Variants in TMCC1 observed in about 807,000 individuals in gnomAD.
TMCC1 encodes transmembrane and coiled-coil domain family 1, also known as transmembrane and coiled-coil domains protein 1.
In TMCC1, 15 loss-of-function variants were observed where a neutral mutation model predicts 52.4. That is an observed-to-expected ratio of 0.29 (90% CI 0.19 to 0.44). The LOEUF (loss-of-function observed/expected upper bound fraction) is 0.44. Among genes scored for constraint, TMCC1 ranks in the 20% least tolerant of loss-of-function variants. TMCC1 has a pLI of 1.00. For synonymous variants in TMCC1, 279 were observed against 301.9 expected (o/e 0.92, Z 0.79); for missense variants, 503 against 806.0 (o/e 0.62, Z 4.55).
At chr3:129,803,914 T>G (rs1414407607) in intron 4 of TMCC1, among the ~76,000 whole-genome samples, 2 of 152,260 alleles carry the variant, frequency 1.3e-5, no homozygotes, top group Admixed American at 6.5e-5. Context: ...GGACAATAAT[T>G]ACATTAAAAT....
intron 6 of TMCC1, among the ~76,000 whole-genome samples, chr3:129,653,922 G>A (rs532079550): frequency 6.6e-6 from 1 of 152,192 alleles, no homozygotes; most frequent in East Asian, 1.9e-4. Context: ...ATACATTAAT[G>A]AGTCTAATGT....
intron 4 of TMCC1, chr3:129,688,645 C>T (rs1250758313): frequency 2.0e-6 from 2 of 985,376 alleles, no homozygotes; most frequent in Non-Finnish European, 2.4e-6. Flanking sequence ...CCTAGGAGAA[C>T]TCTGTGCTGA....
At chr3:129,757,811 CAGAG>C (rs1384395989) in intron 4 of TMCC1, among the ~76,000 whole-genome samples, 1 of 151,610 alleles carries the variant, frequency 6.6e-6, no homozygotes, top group African/African-American at 2.4e-5. Context: ...GCCTGGGTGA[CAGAG>C]AGAAATTCCA....
In TMCC1 at chr3:129,884,431, C is replaced by G. The variant is rs111917599; in HGVS notation, c.-434-3872G>C. Among the ~76,000 whole-genome samples the G allele has an allele frequency of 9.7e-3, 1,479 of 152,100 alleles. 25 individuals are homozygous for G. Among genetic ancestry groups the G allele is most frequent in the African/African-American group, 0.034 (1,391 of 41,500 alleles). ...TCACTTGAGCCCAGGAATTGGAGAC[C>G]AGCCTGGGCAACATAGTGCAACCCC... On this transcript the variant is annotated intron_variant, in intron 1 of 6. Coordinates refer to ENST00000393238, the MANE Select transcript of TMCC1 (RefSeq NM_001017395.5).
intron 4 of TMCC1, among the ~76,000 whole-genome samples, chr3:129,820,846 T>A (rs913216606): frequency 2.6e-5 from 4 of 152,204 alleles, no homozygotes; most frequent in Non-Finnish European, 4.4e-5. Context: ...GAAGCAAAGA[T>A]AAACCAGCCA....
chr3:129,666,703 G>A (rs2087484735), intron 5 of TMCC1, among the ~76,000 whole-genome samples: 1 of 151,934 alleles, frequency 6.6e-6, no homozygotes, highest in Admixed American at 6.6e-5. Context: ...TCGCACCACT[G>A]CACTCCAGCC....
intron 5 of TMCC1, among the ~76,000 whole-genome samples, chr3:129,658,777 G>A (rs1247787761): frequency 6.6e-6 from 1 of 152,198 alleles, no homozygotes; most frequent in Non-Finnish European, 1.5e-5. Context: ...CTGAATTCAG[G>A]TATCAAGAGC....
chr3:129,892,061 A>G (rs2108023991), intron 1 of TMCC1, among the ~76,000 whole-genome samples: 1 of 152,344 alleles, frequency 6.6e-6, no homozygotes, highest in East Asian at 1.9e-4. Flanking sequence ...TAAGATGCAA[A>G]TGCTCTGAGA....
chr3:129,803,822 TA>T lies in TMCC1; in HGVS notation c.576+23980del, dbSNP rs950967744. 2.0e-3 allele frequency among the ~76,000 whole-genome samples: 311 copies of T among 152,010 alleles called. 3 individuals carry two copies. The highest frequency in any genetic ancestry group is 6.8e-3 in the African/African-American group (281 of 41,496). On this transcript the variant is annotated intron_variant, in intron 4 of 6. Coordinates refer to ENST00000393238, the MANE Select transcript of TMCC1 (RefSeq NM_001017395.5). Reference sequence around the variant, plus strand: ...TGTGTGATTATACATTGTGTGTAATTAAAAAAAATAATTATTTTAAAATATA... The same window carrying T: ...TGTGTGATTATACATTGTGTGTAATTAAAAAAATAATTATTTTAAAATATA...
intron 4 of TMCC1, among the ~76,000 whole-genome samples, chr3:129,741,883 T>C (rs1015666378): frequency 6.6e-6 from 1 of 152,142 alleles, no homozygotes; most frequent in African/African-American, 2.4e-5. Flanking sequence ...GGCAAACACC[T>C]CTCTGATTCA....
intron 2 of TMCC1, among the ~76,000 whole-genome samples, chr3:129,862,872 C>A (rs903058745): frequency 6.6e-6 from 1 of 152,106 alleles, no homozygotes; most frequent in African/African-American, 2.4e-5. Flanking sequence ...AAATCTAGTC[C>A]CTCTGCACCT....
intron 4 of TMCC1, among the ~76,000 whole-genome samples, chr3:129,771,643 C>T (rs905363269): frequency 2.0e-5 from 3 of 151,678 alleles, no homozygotes; most frequent in African/African-American, 7.3e-5. Context: ...GGTGTGGTGG[C>T]ACGCATCTGT....
At chr3:129,740,971 A>G (rs1243734109) in intron 4 of TMCC1, among the ~76,000 whole-genome samples, 2 of 152,190 alleles carry the variant, frequency 1.3e-5, no homozygotes, top group Non-Finnish European at 2.9e-5. Flanking sequence ...TTCACATCTG[A>G]GATCACCAAT....
intron 4 of TMCC1, among the ~76,000 whole-genome samples, chr3:129,775,903 T>C (rs370840525): frequency 1.6e-4 from 24 of 152,342 alleles, no homozygotes; most frequent in African/African-American, 5.8e-4. Flanking sequence ...AGGTTTCCTA[T>C]TGAATTTCAG....
intron 4 of TMCC1, among the ~76,000 whole-genome samples, chr3:129,694,251 T>A (rs1195624219): frequency 6.6e-6 from 1 of 152,246 alleles, no homozygotes; most frequent in Admixed American, 6.5e-5. Flanking sequence ...TACGAAAACG[T>A]CCACACAGAA....
intron 4 of TMCC1, among the ~76,000 whole-genome samples, chr3:129,672,143 T>C (rs990817983): frequency 6.6e-6 from 1 of 152,184 alleles, no homozygotes; most frequent in African/African-American, 2.4e-5. Flanking sequence ...AAAGACAAGA[T>C]ACTCAGATTT....
At chr3:129,841,733 C>T (rs1416218119) in intron 2 of TMCC1, among the ~76,000 whole-genome samples, 2 of 152,034 alleles carry the variant, frequency 1.3e-5, no homozygotes, top group Non-Finnish European at 2.9e-5. Flanking sequence ...AAAGAAAAAC[C>T]CATTTTCTGG....
intron 4 of TMCC1, among the ~76,000 whole-genome samples, chr3:129,756,343 G>A (rs2053010077): frequency 6.6e-6 from 1 of 152,072 alleles, no homozygotes; most frequent in Non-Finnish European, 1.5e-5. Flanking sequence ...TTCATACAAT[G>A]GAATACTACT....
chr3:129,670,751 C>T lies in TMCC1; in HGVS notation c.1090G>A (p.Ala364Thr), dbSNP rs772495413. ...ATCTCTCTGGGCTTTGAGACTACAG[C>T]GCCTGCTGCTGAATGGGTGGCCTGG... ...FSQATHSAAG[A>T]VVSKPREIAS... The change falls in exon 5 of 7, where the codon GCT (alanine) becomes ACT (threonine). Residue 364 changes from alanine (A) to threonine (T), a missense_variant. Ala to Thr is a moderately conservative substitution (Grantham distance 58). Transcript: ENST00000393238. 38 of 1,614,056 alleles carry T rather than the reference C, an allele frequency of 2.4e-5. No individual in the cohort carries two copies. Among genetic ancestry groups the T allele is most frequent in the Non-Finnish European group, 3.1e-5 (37 of 1,180,040 alleles).
Sources: gnomAD v4.1 joint callset for allele counts (sites outside exome capture counted in the v4.1 genomes callset) on GRCh38, gnomAD v4.1.1 for gene constraint, MANE v1.5 for transcripts, NCBI Gene and HGNC (gene_info 2026-07-23, HGNC 2026-07-21) for gene names.